The following FOXP1 variants were observed in gnomAD, a reference collection of about 807,000 sequenced individuals.
FOXP1 encodes the protein forkhead box protein P1.
Under a neutral mutation model 98.2 loss-of-function variants are expected in FOXP1, and 15 were observed. The ratio of observed to expected loss-of-function variants is 0.15; its 90% CI spans 0.10 to 0.24. FOXP1 has a LOEUF of 0.24. FOXP1 is among the 10% of genes least tolerant of loss of function. The pLI is 1.00. For missense variants in FOXP1, 633 were observed against 848.5 expected, an observed-to-expected ratio of 0.75 and a Z score of 3.15; for synonymous variants, 371 against 314.5, an observed-to-expected ratio of 1.18 and a Z score of -1.90.
intron 3 of FOXP1, among the ~76,000 whole-genome samples, chr3:71,408,242 G>A (rs909274171): frequency 2.0e-5 from 3 of 152,312 alleles, no homozygotes; most frequent in South Asian, 4.1e-4. Flanking sequence ...ATATTTCAGA[G>A]ACCATTCAAA....
intron 2 of FOXP1, among the ~76,000 whole-genome samples, chr3:71,549,531 C>T (rs1226071134): frequency 6.6e-6 from 1 of 152,148 alleles, no homozygotes; most frequent in Non-Finnish European, 1.5e-5. Flanking sequence ...TACACCATCA[C>T]ACCTGGATAA....
chr3:71,429,311 A>C (rs1429086742), intron 3 of FOXP1, among the ~76,000 whole-genome samples: 6 of 152,180 alleles, frequency 3.9e-5, no homozygotes, highest in African/African-American at 1.4e-4. Context: ...GAAGAACAGC[A>C]GGAAAAGAAA....
chr3:71,283,785 T>C (rs1050090399), intron 5 of FOXP1, among the ~76,000 whole-genome samples: 1 of 152,204 alleles, frequency 6.6e-6, no homozygotes, highest in Non-Finnish European at 1.5e-5. Context: ...TATTGAATGC[T>C]TACTTGTCCA....
intron 13 of FOXP1, among the ~76,000 whole-genome samples, chr3:70,988,901 GGGATAGTCAAGAGAACA>G (rs1299101388): frequency 6.6e-6 from 1 of 152,116 alleles, no homozygotes; most frequent in Non-Finnish European, 1.5e-5. Context: ...TAAAGATAAA[GGGATAGTCAAGAGAACA>G]GCTGTGGCAT....
intron 2 of FOXP1, among the ~76,000 whole-genome samples, chr3:71,513,079 C>G (rs774120089): frequency 7.2e-5 from 11 of 152,164 alleles, no homozygotes; most frequent in Non-Finnish European, 1.6e-4. Context: ...GGGCTCCCAA[C>G]CTGGCCCATA....
chr3:71,514,207 GC>G (rs560548499), intron 2 of FOXP1, among the ~76,000 whole-genome samples: 27 of 152,182 alleles, frequency 1.8e-4, no homozygotes, highest in Admixed American at 2.0e-4. Context: ...TGCATGACTT[GC>G]CCCCAACCAT....
intron 4 of FOXP1, among the ~76,000 whole-genome samples, chr3:71,302,183 G>A (rs548526369): frequency 6.3e-4 from 96 of 152,186 alleles, no homozygotes; most frequent in Admixed American, 2.8e-3. Context: ...CATTTTTCTA[G>A]TTTTGCTGAG....
intron 2 of FOXP1, among the ~76,000 whole-genome samples, chr3:71,514,109 C>G (rs1192073959): frequency 6.6e-6 from 1 of 152,070 alleles, no homozygotes; most frequent in African/African-American, 2.4e-5. Flanking sequence ...ATGGTATGGC[C>G]CCAACTGGCT....
intron 3 of FOXP1, among the ~76,000 whole-genome samples, chr3:71,429,881 C>T (rs956343572): frequency 6.6e-6 from 1 of 152,178 alleles, no homozygotes; most frequent in African/African-American, 2.4e-5. Context: ...ATTCCTCACT[C>T]TAAAACCTCA....
intron 4 of FOXP1, among the ~76,000 whole-genome samples, chr3:71,317,311 A>G (rs2075133914): frequency 6.6e-6 from 1 of 152,212 alleles, no homozygotes; most frequent in African/African-American, 2.4e-5. Flanking sequence ...GCTGGCTGAC[A>G]TGACGCCACG....
At chr3:70,963,019 C>T (rs997103444) in intron 20 of FOXP1, among the ~76,000 whole-genome samples, 1 of 152,112 alleles carries the variant, frequency 6.6e-6, no homozygotes, top group South Asian at 2.1e-4. Context: ...AACACATGTA[C>T]CCCCAAAATA....
Position 71,088,581 on chromosome 3 carries a change from G to T in FOXP1, c.282+23955C>A, listed in dbSNP as rs2055422993. Among the ~76,000 whole-genome samples the T allele has an allele frequency of 1.3e-5, 2 of 152,110 alleles. 1 individual carries two copies. Among genetic ancestry groups the T allele is most frequent in the South Asian group, 4.2e-4 (2 of 4,818 alleles). ...GAACAGTCTATTTGAGTTGCGTAAA[G>T]GATCTCATTATTTTTCTTGAACTTT... On this transcript the variant is annotated intron_variant, in intron 7 of 20. Coordinates refer to ENST00000649528, the MANE Select transcript of FOXP1 (RefSeq NM_001349338.3).
chr3:71,071,266 G>C (rs2053194120), intron 7 of FOXP1, among the ~76,000 whole-genome samples: 1 of 152,166 alleles, frequency 6.6e-6, no homozygotes, highest in African/African-American at 2.4e-5. Flanking sequence ...TCTGACACAG[G>C]CATCCAGGTG....
intron 5 of FOXP1, among the ~76,000 whole-genome samples, chr3:71,264,984 C>T (rs1161525265): frequency 6.6e-6 from 1 of 152,180 alleles, no homozygotes; most frequent in Non-Finnish European, 1.5e-5. Context: ...AGGTGCTGAG[C>T]TGGAATGCAG....
intron 4 of FOXP1, among the ~76,000 whole-genome samples, chr3:71,321,305 TG>T (rs1271948960): frequency 6.6e-6 from 1 of 152,136 alleles, no homozygotes; most frequent in African/African-American, 2.4e-5. Context: ...CAAAACAGTG[TG>T]GAAGAAAGAG....
intron 6 of FOXP1, among the ~76,000 whole-genome samples, chr3:71,154,919 T>C (rs1175386736): frequency 6.6e-6 from 1 of 152,194 alleles, no homozygotes; most frequent in Non-Finnish European, 1.5e-5. Context: ...AATAGAAAAT[T>C]TGAATTTGTC....
chr3:71,465,908 T>C (rs973768032), intron 3 of FOXP1, among the ~76,000 whole-genome samples: 2 of 152,074 alleles, frequency 1.3e-5, no homozygotes, highest in African/African-American at 2.4e-5. Flanking sequence ...GGGATCTAGG[T>C]TGTGCACTCC....
chr3:71,056,114 T>C (rs2050603744), intron 7 of FOXP1, among the ~76,000 whole-genome samples: 1 of 152,224 alleles, frequency 6.6e-6, no homozygotes, highest in South Asian at 2.1e-4. Flanking sequence ...GTGTATACAA[T>C]CGTCAAAACT....
At chr3:71,017,028 A>G (rs1441907444) in intron 11 of FOXP1, among the ~76,000 whole-genome samples, 1 of 152,142 alleles carries the variant, frequency 6.6e-6, no homozygotes, top group Non-Finnish European at 1.5e-5. Flanking sequence ...GAAAAGAAAA[A>G]GAAAAAAAGG....
Sources: allele counts gnomAD v4.1 joint callset (sites outside exome capture counted in the v4.1 genomes callset), GRCh38; gene constraint gnomAD v4.1.1; transcripts MANE v1.5; gene names NCBI Gene and HGNC (gene_info 2026-07-23, HGNC 2026-07-21).